Variants in DEGS2 observed in about 807,000 individuals in gnomAD.
DEGS2 encodes delta 4-desaturase, sphingolipid 2, also known as sphingolipid delta(4)-desaturase/C4-monooxygenase DES2.
A neutral mutation model predicts 23.8 loss-of-function variants in DEGS2; 19 were observed. The ratio of observed to expected loss-of-function variants is 0.80; its 90% CI spans 0.56 to 1.17. The LOEUF (loss-of-function observed/expected upper bound fraction) is 1.17, where lower values mean the gene tolerates loss of function less well. Ranked by LOEUF, DEGS2 falls within the 50% of genes most tolerant of loss-of-function variation. DEGS2 has a pLI of 0.00. For missense variants in DEGS2, 390 were observed against 459.5 expected (o/e 0.85, Z 1.38); for synonymous variants, 218 against 213.7 (o/e 1.02, Z -0.18).
chr14:100,160,813 G>T (rs1299542142), upstream of DEGS2, among the ~76,000 whole-genome samples: 1 of 152,324 alleles, frequency 6.6e-6, no homozygotes, highest in South Asian at 2.1e-4. Flanking sequence ...GTGTCCTGCA[G>T]CCGCCAGCCA....
chr14:100,147,179 G>A (rs1889464657), intron 2 of DEGS2, among the ~76,000 whole-genome samples: 1 of 152,192 alleles, frequency 6.6e-6, no homozygotes. Context: ...CTGGAAGCGT[G>A]GCGCTGGCTG....
At position 100,149,130 on chromosome 14, in the gene DEGS2, G is replaced by A. The variant is rs1566740741; in HGVS notation, c.663C>T (p.Gly221=). The change falls in exon 2 of 3, where the codon GGC becomes GGT. Residue 221 remains glycine (G), a synonymous_variant. Coordinates refer to ENST00000305631, the MANE Select transcript of DEGS2 (RefSeq NM_206918.3). ...CGAAGTGGCCCGAGATGGGGTGCAG[G>A]CCCAGGCCCAGGAAGGAGCTGGCCA... ...YLLASSFLGL[G]LHPISGHFVA... 1 of 1,612,990 alleles carries A rather than the reference G, an allele frequency of 6.2e-7. No homozygotes were observed. The highest frequency in any genetic ancestry group is 2.2e-5 in the East Asian group (1 of 44,880).
upstream of DEGS2, chr14:100,159,840 C>T (rs1356349003): frequency 3.5e-6 from 1 of 288,800 alleles, no homozygotes. Context: ...GGCTCCCCGG[C>T]AGGACCGAGG....
chr14:100,151,964 C>T (rs1321060387), intron 1 of DEGS2, among the ~76,000 whole-genome samples: 1 of 152,140 alleles, frequency 6.6e-6, no homozygotes, highest in African/African-American at 2.4e-5. Context: ...GCCATGCAGA[C>T]TGGATGTGCA....
chr14:100,146,760 C>T lies in DEGS2; in HGVS notation c.*1G>A, dbSNP rs771156017. On this transcript the variant is annotated 3_prime_UTR_variant, in exon 3 of 3. Coordinates refer to ENST00000305631, the MANE Select transcript of DEGS2 (RefSeq NM_206918.3). ...GGCCACCACCAGGAGGCAGCCCGGG[C>T]TCACAGACCATCTTTTGCCAGCCTG... 18 of 1,612,908 alleles carry T rather than the reference C, an allele frequency of 1.1e-5. No individual in the cohort carries two copies. Among genetic ancestry groups the T allele is most frequent in the Non-Finnish European group, 1.5e-5 (18 of 1,179,524 alleles).
intron 1 of DEGS2, among the ~76,000 whole-genome samples, chr14:100,159,019 G>A (rs897361900): frequency 1.3e-5 from 2 of 152,224 alleles, no homozygotes; most frequent in Non-Finnish European, 2.9e-5. Context: ...CCTTCCCGGC[G>A]CTCATCCGCC....
At position 100,152,273 on chromosome 14, in the gene DEGS2, G is replaced by A. The variant is rs747728367; in HGVS notation, c.83-2563C>T. Reference sequence around the variant, plus strand: ...ATGGGAAGGAGATGCCAGGGTGGGCGTCATGGAGATGCCAGGGTGGGCGTC... The same window carrying A: ...ATGGGAAGGAGATGCCAGGGTGGGCATCATGGAGATGCCAGGGTGGGCGTC... On this transcript the variant is annotated intron_variant, in intron 1 of 2. Coordinates refer to ENST00000305631, the MANE Select transcript of DEGS2 (RefSeq NM_206918.3). Among the ~76,000 whole-genome samples the A allele has an allele frequency of 2.1e-4, 32 of 149,920 alleles. 1 individual carries two copies. Among genetic ancestry groups the A allele is most frequent in the Admixed American group, 1.5e-3 (23 of 15,200 alleles).
At chr14:100,163,882 C>T (rs1354982826), upstream of DEGS2, among the ~76,000 whole-genome samples, 1 of 152,120 alleles carries the variant, frequency 6.6e-6, no homozygotes, top group Non-Finnish European at 1.5e-5. Context: ...CCACACCCAG[C>T]TTATTTTTGT....
chr14:100,150,715 C>T (rs1291450604), intron 1 of DEGS2, among the ~76,000 whole-genome samples: 2 of 152,156 alleles, frequency 1.3e-5, no homozygotes, highest in African/African-American at 4.8e-5. Flanking sequence ...GTGCCCTGTG[C>T]AGCCGCCTTT....
At chr14:100,166,868 A>G in the DEGS2 span, among the ~76,000 whole-genome samples, 2 of 152,204 alleles carry the variant, frequency 1.3e-5, no homozygotes, top group Non-Finnish European at 2.9e-5. Context: ...TCACGCCTGT[A>G]ATCCCAGCAC....
rs566431503 is a variant in DEGS2, at chr14:100,146,475, C to G, written c.*286G>C. 2.4e-5 allele frequency: 10 copies of G among 418,704 alleles called. No homozygotes were observed. The South Asian group carries it at 3.3e-4, about 14-fold the overall frequency. 25.9% of individuals were successfully genotyped at this position (418,704 alleles called of 1,614,324 possible). A position where few individuals can be genotyped will look rare whatever the true frequency, so the allele number is the denominator to read the frequency against. On this transcript the variant is annotated 3_prime_UTR_variant, in exon 3 of 3. Coordinates refer to ENST00000305631, the MANE Select transcript of DEGS2 (RefSeq NM_206918.3). ...ACAGGCACCCCGGAGAAGTCAGCTCCGTGGGAACCGTGGGCTCAGAGCACC... is the reference window on the plus strand; with the variant it reads ...ACAGGCACCCCGGAGAAGTCAGCTCGGTGGGAACCGTGGGCTCAGAGCACC...
chr14:100,159,328 G>A (rs1459577805), intron 1 of DEGS2, among the ~76,000 whole-genome samples, 178 bp downstream of exon 1: 1 of 152,204 alleles, frequency 6.6e-6, no homozygotes, highest in African/African-American at 2.4e-5. Context: ...GACCCGGCCA[G>A]GGTGGGGGAC....
chr14:100,148,770 T>A (rs926022923), intron 2 of DEGS2, among the ~76,000 whole-genome samples, 198 bp downstream of exon 2: 3 of 152,254 alleles, frequency 2.0e-5, no homozygotes, highest in Non-Finnish European at 2.9e-5. Flanking sequence ...CTGAATTTGC[T>A]TCAGCCTCCA....
chr14:100,150,917 A>T (rs899611418), intron 1 of DEGS2, among the ~76,000 whole-genome samples: 1 of 152,050 alleles, frequency 6.6e-6, no homozygotes, highest in Non-Finnish European at 1.5e-5. Flanking sequence ...CCTATCTCCC[A>T]TGGGTGTGCT....
intron 1 of DEGS2, among the ~76,000 whole-genome samples, chr14:100,158,635 CA>C (rs1889698138): frequency 7.0e-6 from 1 of 143,652 alleles, no homozygotes; most frequent in African/African-American, 2.5e-5. Flanking sequence ...ATTGTTTCCC[CA>C]ATCTGACTGA....
Position 100,149,224 on chromosome 14 carries a change from G to T in DEGS2, c.569C>A (p.Thr190Lys). The change falls in exon 2 of 3, where the codon ACG becomes AAG. Residue 190 changes from threonine to lysine, a missense_variant. Physicochemically the swap from Thr to Lys is moderately conservative, Grantham distance 78. Transcript: ENST00000305631. ...CAGGTCGGCCGCCAGCTGCACCAGCGTGTTGAGCACCTCCATGCGGGTCAC... is the reference window on the plus strand; with the variant it reads ...CAGGTCGGCCGCCAGCTGCACCAGCTTGTTGAGCACCTCCATGCGGGTCAC... ...KAVTRMEVLN[T>K]LVQLAADLAI... 1 of 1,612,686 alleles carries T rather than the reference G, an allele frequency of 6.2e-7. No individual in the cohort carries two copies.
intron 1 of DEGS2, among the ~76,000 whole-genome samples, chr14:100,151,026 T>G (rs770651400): frequency 1.3e-5 from 2 of 150,822 alleles, no homozygotes; most frequent in Admixed American, 6.6e-5. Flanking sequence ...CTGGGCTGTT[T>G]CCAGTGTGGC....
Position 100,146,764 on chromosome 14 carries a change from C to G in DEGS2, c.969G>C (p.Leu323=), listed in dbSNP as rs1466757108. The stretch of plus-strand genomic sequence containing the variant: ...ACCACCAGGAGGCAGCCCGGGCTCA[C>G]AGACCATCTTTTGCCAGCCTGTACA... ...KRVYRLAKDG[L] is the part of the protein sequence containing the mutation. Residue 323 remains leucine, a synonymous_variant, in exon 3 of 3, where the codon CTG becomes CTC. Coordinates refer to ENST00000305631, the MANE Select transcript of DEGS2 (RefSeq NM_206918.3). 6.2e-7 allele frequency: 1 copy of G among 1,613,156 alleles called. No individual in the cohort carries two copies.
intron 1 of DEGS2, chr14:100,155,668 T>C (rs1172542913): frequency 6.6e-6 from 1 of 152,210 alleles, no homozygotes. Context: ...GCTCTGGCAG[T>C]TTGGTCCTGG....
Sources: gnomAD v4.1 joint callset for allele counts (sites outside exome capture counted in the v4.1 genomes callset) on GRCh38, gnomAD v4.1.1 for gene constraint, MANE v1.5 for transcripts, NCBI Gene and HGNC (gene_info 2026-07-23, HGNC 2026-07-21) for gene names.